MICAL2: variants seen among roughly 807,000 people sequenced by gnomAD.
The protein encoded by MICAL2 is [F-actin]-monooxygenase MICAL2.
A neutral mutation model predicts 127.3 loss-of-function variants in MICAL2; 77 were observed. That is an observed-to-expected ratio of 0.60 (90% CI 0.50 to 0.73). The LOEUF is 0.73. Among genes scored for constraint, MICAL2 ranks in the 30% least tolerant of loss-of-function variants. The probability of loss-of-function intolerance (pLI) is 0.00; values close to 1 mark genes in which losing one functional copy is unlikely to be tolerated. For missense variants in MICAL2, 1,351 were observed against 1,434.4 expected, an observed-to-expected ratio of 0.94 and a Z score of 0.94; for synonymous variants, 570 against 551.1, an observed-to-expected ratio of 1.03 and a Z score of -0.48.
chr11:12,187,887 G>A (rs1858523037), intron 3 of MICAL2, among the ~76,000 whole-genome samples: 1 of 149,784 alleles, frequency 6.7e-6, no homozygotes, highest in African/African-American at 2.5e-5. Flanking sequence ...TAGGCGGGTT[G>A]TTGATAGGGA....
intron 3 of MICAL2, among the ~76,000 whole-genome samples, chr11:12,170,053 G>A (rs7948234): frequency 0.42 from 64,138 of 151,948 alleles, 14,254 homozygotes; most frequent in East Asian, 0.58. Flanking sequence ...AAGTGGCAGG[G>A]ATTACTGCCA....
chr11:12,220,302 G>A lies in MICAL2; in HGVS notation c.1050G>A (p.Gln350=), dbSNP rs1856667784. The change falls in exon 9 of 28, where the codon CAG becomes CAA. Residue 350 remains glutamine, a synonymous_variant. Coordinates refer to ENST00000683283, the MANE Select transcript of MICAL2 (RefSeq NM_001282663.2). ...CTGCAGACTTTGCCACCAACTACCA[G>A]CTGCCATCCTTAGACTTTGCCATGA... ...REAADFATNY[Q]LPSLDFAMNH... is the part of the protein sequence containing the mutation. The A allele has an allele frequency of 1.2e-6, 2 of 1,614,096 alleles. No homozygotes were observed. Among genetic ancestry groups the A allele is most frequent in the African/African-American group, 2.7e-5 (2 of 74,930 alleles).
chr11:12,221,881 TC>T, intron 10 of MICAL2, 122 bp downstream of exon 10: 1 of 670,390 alleles, frequency 1.5e-6, no homozygotes, highest in Non-Finnish European at 2.5e-6. Context: ...CATTCTACCT[TC>T]CCATGTGTGG....
chr11:12,220,603 T>C (rs1316012715), intron 9 of MICAL2, 145 bp downstream of exon 9: 1 of 1,179,268 alleles, frequency 8.5e-7, no homozygotes, highest in Non-Finnish European at 1.2e-6. Flanking sequence ...TGTCCCGGCC[T>C]CAGAGCCTGT....
intron 29 of MICAL2, among the ~76,000 whole-genome samples, chr11:12,301,489 A>G (rs1864046484): frequency 1.3e-5 from 2 of 152,170 alleles, no homozygotes; most frequent in Non-Finnish European, 2.9e-5. Context: ...TGGTGTACAT[A>G]TGTGCTTGTG....
chr11:12,217,620 C>T (rs1856346346), intron 8 of MICAL2, among the ~76,000 whole-genome samples: 1 of 152,046 alleles, frequency 6.6e-6, no homozygotes, highest in South Asian at 2.1e-4. Flanking sequence ...AGAGGTTAGG[C>T]AGGCAGGCAA....
chr11:12,130,037 G>T (rs989111100), intron 1 of MICAL2, among the ~76,000 whole-genome samples: 2 of 152,144 alleles, frequency 1.3e-5, no homozygotes, highest in African/African-American at 4.8e-5. Flanking sequence ...TTCACCCTTT[G>T]TTCCCAGGTC....
At chr11:12,271,497 C>T (rs1486750792), upstream of MICAL2, among the ~76,000 whole-genome samples, 1 of 152,178 alleles carries the variant, frequency 6.6e-6, no homozygotes. Flanking sequence ...ACTGTGCACT[C>T]ACTGGCTGGC....
chr11:12,323,848 G>T (rs943704202), intron 30 of MICAL2: 1 of 1,035,386 alleles, frequency 9.7e-7, no homozygotes, highest in Non-Finnish European at 1.4e-6. Flanking sequence ...TCTACCAGAT[G>T]TCGTTATTTT....
At chr11:12,241,011 CT>C in intron 17 of MICAL2, 28 bp from the exon 18 acceptor site, 1 of 1,610,592 alleles carries the variant, frequency 6.2e-7, no homozygotes, top group East Asian at 2.2e-5. Context: ...CCTGTGGCTG[CT>C]TTTTTGGACT....
At chr11:12,344,964 T>C (rs1938930405) in intron 32 of MICAL2, among the ~76,000 whole-genome samples, 1 of 151,184 alleles carries the variant, frequency 6.6e-6, no homozygotes, top group South Asian at 2.1e-4. Context: ...GTACAAAAAA[T>C]TAGCTGGTGT....
intron 1 of MICAL2, among the ~76,000 whole-genome samples, chr11:12,122,782 C>T (rs1850613904): frequency 6.6e-6 from 1 of 152,176 alleles, no homozygotes; most frequent in Non-Finnish European, 1.5e-5. Context: ...GATGGGCCAC[C>T]TTTCGCTTCC....
intron 15 of MICAL2, among the ~76,000 whole-genome samples, chr11:12,229,834 C>T (rs946957253): frequency 6.6e-6 from 1 of 152,242 alleles, no homozygotes; most frequent in African/African-American, 2.4e-5. Flanking sequence ...GTTCAGTCTT[C>T]TTCAGGGTGT....
intron 3 of MICAL2, chr11:12,163,660 G>GC (rs1280628035): frequency 2.0e-5 from 3 of 152,340 alleles, no homozygotes; most frequent in African/African-American, 7.2e-5. Flanking sequence ...AACCTACCAT[G>GC]CTCCAGCTAG....
At chr11:12,149,828 A>G (rs908562270) in intron 2 of MICAL2, among the ~76,000 whole-genome samples, 2 of 152,202 alleles carry the variant, frequency 1.3e-5, no homozygotes, top group African/African-American at 4.8e-5. Flanking sequence ...TGGTGCAAGT[A>G]CAGCCTGGGG....
intron 26 of MICAL2, chr11:12,261,669 G>T: frequency 1.0e-6 from 1 of 985,452 alleles, no homozygotes; most frequent in Non-Finnish European, 1.2e-6. Context: ...GCTTTGAGAT[G>T]ACAGTTTCTA....
At chr11:12,193,289 G>A (rs2134038359) in intron 3 of MICAL2, among the ~76,000 whole-genome samples, 1 of 152,350 alleles carries the variant, frequency 6.6e-6, no homozygotes, top group Admixed American at 6.5e-5. Flanking sequence ...TAGCATGGTA[G>A]CCTTGCACTC....
chr11:12,270,714 A>G (rs1863665133), intron 24 of MICAL2, among the ~76,000 whole-genome samples: 1 of 152,118 alleles, frequency 6.6e-6, no homozygotes, highest in Non-Finnish European at 1.5e-5. Flanking sequence ...TTCTCTGCAG[A>G]GAGAACAGTG....
At chr11:12,271,193 C>A (rs186757249), upstream of MICAL2, among the ~76,000 whole-genome samples, 289 of 152,352 alleles carry the variant, frequency 1.9e-3, 3 homozygotes, top group Non-Finnish European at 1.7e-3. Flanking sequence ...CTGCTTCGTG[C>A]CACAGGCTGG....
Sources: allele counts gnomAD v4.1 joint callset (sites outside exome capture counted in the v4.1 genomes callset), GRCh38; gene constraint gnomAD v4.1.1; transcripts MANE v1.5; gene names NCBI Gene and HGNC (gene_info 2026-07-23, HGNC 2026-07-21).